C10orf143: variants seen among roughly 807,000 people sequenced by gnomAD.
The protein encoded by C10orf143 is uncharacterized protein C10orf143.
At chr10:130,103,035 A>T (rs1043994003) in intron 1 of C10orf143, among the ~76,000 whole-genome samples, 1 of 150,718 alleles carries the variant, frequency 6.6e-6, no homozygotes, top group Non-Finnish European at 1.5e-5. Context: ...CTGGCGTGCA[A>T]TGGTGCGATC....
At chr10:130,082,456 G>A (rs755767334) in intron 1 of C10orf143, among the ~76,000 whole-genome samples, 3 of 152,112 alleles carry the variant, frequency 2.0e-5, no homozygotes, top group Non-Finnish European at 4.4e-5. Flanking sequence ...ATTCCCACAT[G>A]TTGTGGGAGG....
chr10:130,037,839 A>G (rs1287778449), intron 3 of C10orf143, among the ~76,000 whole-genome samples: 1 of 151,670 alleles, frequency 6.6e-6, no homozygotes, highest in Non-Finnish European at 1.5e-5. Flanking sequence ...TGAGGGGAAG[A>G]CCCTTCCCTT....
At chr10:130,085,983 C>T (rs1167467791) in intron 1 of C10orf143, among the ~76,000 whole-genome samples, 1 of 152,182 alleles carries the variant, frequency 6.6e-6, no homozygotes, top group African/African-American at 2.4e-5. Context: ...TCTCTCCAAC[C>T]AAATATCCCT....
At chr10:130,099,693 AT>A (rs1481814733) in intron 1 of C10orf143, among the ~76,000 whole-genome samples, 1 of 150,834 alleles carries the variant, frequency 6.6e-6, no homozygotes, top group Non-Finnish European at 1.5e-5. Context: ...GTGTGACACC[AT>A]TTTTGTATTT....
At chr10:130,037,213 T>G (rs1019500808) in intron 3 of C10orf143, among the ~76,000 whole-genome samples, 1 of 152,176 alleles carries the variant, frequency 6.6e-6, no homozygotes, top group African/African-American at 2.4e-5. Context: ...GCAACAAGGC[T>G]TCTTAGCATT....
At chr10:130,094,438 G>A (rs890137728) in intron 1 of C10orf143, among the ~76,000 whole-genome samples, 1 of 152,160 alleles carries the variant, frequency 6.6e-6, no homozygotes, top group Non-Finnish European at 1.5e-5. Flanking sequence ...GAAAATTTCA[G>A]GTCAATATCC....
At position 130,110,593 on chromosome 10, in the gene C10orf143, G is replaced by A. The variant is rs1324618874; in HGVS notation, c.69+111C>T. ...CGTACGCGAGCGTGCGAGTGTCTTG[G>A]GCCAGGCCTCCTCACAGGCAGGGCC... On this transcript the variant is annotated intron_variant, in intron 1 of 3. Transcript: ENST00000637128. 5 of 397,716 alleles carry A rather than the reference G, an allele frequency of 1.3e-5. No individual in the cohort carries two copies. In the East Asian group the frequency reaches 1.8e-4, roughly 14 times the overall value. 24.6% of individuals were successfully genotyped at this position (397,716 alleles called of 1,614,324 possible). A position where few individuals can be genotyped will look rare whatever the true frequency, so the allele number is the denominator to read the frequency against.
chr10:130,045,590 C>T (rs1004695906), intron 3 of C10orf143, among the ~76,000 whole-genome samples: 21 of 152,212 alleles, frequency 1.4e-4, no homozygotes, highest in African/African-American at 5.1e-4. Context: ...GTTCCGGGAA[C>T]GTTTCTGTTC....
rs762019667 is a variant in C10orf143, at chr10:130,106,277, C to T, written c.69+4427G>A. 5 of 1,570,234 alleles carry T rather than the reference C, an allele frequency of 3.2e-6. No individual in the cohort carries two copies. The South Asian group carries it at 5.5e-5, about 17-fold the overall frequency. On this transcript the variant is annotated intron_variant, in intron 1 of 3. Coordinates refer to ENST00000637128, the MANE Select transcript of C10orf143 (RefSeq NM_001355042.2). ...GCTTTATGTGGGAAGAGAGAAAAAG[C>T]TTGCTATAATGCTTTCTGGACTAAT...
intron 1 of C10orf143, among the ~76,000 whole-genome samples, chr10:130,110,016 T>C (rs1184109847): frequency 6.6e-6 from 1 of 150,628 alleles, no homozygotes; most frequent in Non-Finnish European, 1.5e-5. Flanking sequence ...AATCCTGCAG[T>C]ACTTCTTTCA....
At chr10:130,083,169 G>GA (rs990121274) in intron 1 of C10orf143, among the ~76,000 whole-genome samples, 1 of 151,998 alleles carries the variant, frequency 6.6e-6, no homozygotes, top group Non-Finnish European at 1.5e-5. Flanking sequence ...CCTCAAACAT[G>GA]AAAAAAAGTG....
chr10:130,109,081 T>C (rs912863849), intron 1 of C10orf143, among the ~76,000 whole-genome samples: 5 of 151,868 alleles, frequency 3.3e-5, no homozygotes, highest in African/African-American at 1.2e-4. Flanking sequence ...GACTGTCTGC[T>C]CTCCCTCTAC....
intron 3 of C10orf143, among the ~76,000 whole-genome samples, chr10:130,041,364 A>C (rs1188006483): frequency 1.3e-5 from 2 of 152,212 alleles, no homozygotes; most frequent in Non-Finnish European, 1.5e-5. Context: ...CAGAGTCAGT[A>C]CCAAGGAGGC....
At position 130,040,389 on chromosome 10, in the gene C10orf143, C is replaced by T. The variant is rs983285778; in HGVS notation, c.298-4419G>A. Among the ~76,000 whole-genome samples, 20 of 152,302 alleles carry T rather than the reference C, an allele frequency of 1.3e-4. No individual in the cohort carries two copies. The South Asian group carries it at 3.1e-3, about 24-fold the overall frequency. On this transcript the variant is annotated intron_variant and NMD_transcript_variant, in intron 3 of 5. Transcript: ENST00000643056. The stretch of plus-strand genomic sequence containing the variant: ...GGGTCTCTCCAAGGTGAAGATCACT[C>T]GAAGGCTTCTTTTGCAAAACGGCTT...
At chr10:130,059,836 CACAAA>C (rs1307314056), downstream of C10orf143, among the ~76,000 whole-genome samples, 10 of 152,088 alleles carry the variant, frequency 6.6e-5, no homozygotes, top group Non-Finnish European at 1.5e-4. Context: ...AGTTGTAAAA[CACAAA>C]ACAAAACAAA....
At chr10:130,093,434 T>C (rs1013437503) in intron 1 of C10orf143, among the ~76,000 whole-genome samples, 10 of 152,204 alleles carry the variant, frequency 6.6e-5, no homozygotes, top group Admixed American at 1.3e-4. Flanking sequence ...GGGAAAGTTA[T>C]AGCACTAAAT....
intron 3 of C10orf143, among the ~76,000 whole-genome samples, chr10:130,046,717 A>G (rs1303833519): frequency 6.6e-6 from 1 of 152,228 alleles, no homozygotes; most frequent in African/African-American, 2.4e-5. Context: ...CCTTTCTGGG[A>G]GGGGCCTTGG....
chr10:130,052,208 C>T (rs1024952698), intron 3 of C10orf143, among the ~76,000 whole-genome samples: 33 of 151,846 alleles, frequency 2.2e-4, no homozygotes, highest in Non-Finnish European at 4.1e-4. Flanking sequence ...TCTACTTTTG[C>T]CCTGGGTTAG....
intron 1 of C10orf143, among the ~76,000 whole-genome samples, chr10:130,089,253 C>T (rs530548983): frequency 6.6e-6 from 1 of 152,342 alleles, no homozygotes; most frequent in African/African-American, 2.4e-5. Flanking sequence ...TTACCAAGCA[C>T]ACTGTAAACC....
Sources: allele counts gnomAD v4.1 joint callset (sites outside exome capture counted in the v4.1 genomes callset), GRCh38; gene constraint gnomAD v4.1.1; transcripts MANE v1.5; gene names NCBI Gene and HGNC (gene_info 2026-07-23, HGNC 2026-07-21).